TTC17: variants seen among roughly 807,000 people sequenced by gnomAD.
TTC17 encodes the protein tetratricopeptide repeat domain 17, also known as tetratricopeptide repeat protein 17.
A neutral mutation model predicts 143.8 loss-of-function variants in TTC17; 58 were observed. That is an observed-to-expected ratio of 0.40 (90% CI 0.33 to 0.50). TTC17 has a LOEUF of 0.50. TTC17 is among the 20% of genes least tolerant of loss of function. The probability of loss-of-function intolerance (pLI) is 0.49; values close to 1 mark genes in which losing one functional copy is unlikely to be tolerated. For synonymous variants in TTC17, 501 were observed against 497.8 expected (o/e 1.01, Z -0.09); for missense variants, 1,273 against 1,392.5 (o/e 0.91, Z 1.37).
At chr11:43,413,772 C>T (rs1311460863) in intron 15 of TTC17, among the ~76,000 whole-genome samples, 3 of 151,300 alleles carry the variant, frequency 2.0e-5, no homozygotes, top group South Asian at 2.1e-4. Flanking sequence ...CAGTTAGACA[C>T]CACTGCAGCT....
chr11:43,450,594 C>T (rs1307262020), intron 20 of TTC17, among the ~76,000 whole-genome samples: 1 of 152,098 alleles, frequency 6.6e-6, no homozygotes, highest in African/African-American at 2.4e-5. Context: ...CAATATATAC[C>T]TAGCAAAGCA....
At chr11:43,490,011 T>C (rs1183236306) in intron 21 of TTC17, 2 of 357,350 alleles carry the variant, frequency 5.6e-6, no homozygotes, top group Non-Finnish European at 9.8e-6. Flanking sequence ...TTAAGCTCTC[T>C]GAGTCATAGT....
chr11:43,429,935 C>T (rs539715370), intron 16 of TTC17, among the ~76,000 whole-genome samples: 9 of 152,216 alleles, frequency 5.9e-5, no homozygotes, highest in Admixed American at 4.6e-4. Context: ...GTAGGAAAAC[C>T]GTTAGAATAT....
chr11:43,364,060 T>TC (rs1856232571), intron 1 of TTC17, among the ~76,000 whole-genome samples: 1 of 144,548 alleles, frequency 6.9e-6, no homozygotes, highest in East Asian at 2.0e-4. Flanking sequence ...TTTTTTTTTT[T>TC]TTTTTTTTTT....
intron 21 of TTC17, among the ~76,000 whole-genome samples, chr11:43,479,647 C>T (rs1019164961): frequency 4.6e-5 from 7 of 152,126 alleles, no homozygotes; most frequent in Admixed American, 4.6e-4. Context: ...AGTCAGGGTA[C>T]TGTCAGGAAA....
At chr11:43,386,620 C>T (rs1227407266) in intron 2 of TTC17, among the ~76,000 whole-genome samples, 1 of 152,006 alleles carries the variant, frequency 6.6e-6, no homozygotes, top group Non-Finnish European at 1.5e-5. Flanking sequence ...GATAAAGTTG[C>T]CCACCTTATA....
intron 23 of TTC17, among the ~76,000 whole-genome samples, chr11:43,492,631 T>C (rs1311296789): frequency 6.6e-6 from 1 of 152,240 alleles, no homozygotes; most frequent in African/African-American, 2.4e-5. Flanking sequence ...ACGGGCTCAT[T>C]GGGGACAAGA....
intron 16 of TTC17, among the ~76,000 whole-genome samples, chr11:43,443,002 A>G (rs1045675367): frequency 6.6e-6 from 1 of 152,196 alleles, no homozygotes; most frequent in Non-Finnish European, 1.5e-5. Context: ...CTTGCCATCT[A>G]TGTTTTGAAT....
At chr11:43,463,390 T>TTACAAAATAAAAATAGCA (rs1412633292) in intron 21 of TTC17, among the ~76,000 whole-genome samples, 3 of 151,832 alleles carry the variant, frequency 2.0e-5, no homozygotes, top group Non-Finnish European at 4.4e-5. Context: ...TAAAAATAGC[T>TTACAAAATAAAAATAGCA]TACAAAATAA....
intron 3 of TTC17, among the ~76,000 whole-genome samples, chr11:43,390,502 GCT>G (rs1245805228): frequency 6.6e-6 from 1 of 152,030 alleles, no homozygotes; most frequent in African/African-American, 2.4e-5. Flanking sequence ...TGTAGTCCCA[GCT>G]ACTCGGGAAG....
chr11:43,490,107 G>A (rs147608560), intron 21 of TTC17, 132 bp from the exon 22 acceptor site: 6 of 1,256,580 alleles, frequency 4.8e-6, no homozygotes, highest in East Asian at 5.0e-5. Context: ...GGAACAGAAA[G>A]TGCTGAGCAG....
At chr11:43,378,965 T>G (rs571508567) in intron 1 of TTC17, 1 of 355,550 alleles carries the variant, frequency 2.8e-6, no homozygotes, top group South Asian at 3.6e-5. Context: ...GCCAAATACT[T>G]CTTTACTATT....
intron 1 of TTC17, among the ~76,000 whole-genome samples, chr11:43,371,498 A>G (rs1446292784): frequency 6.6e-6 from 1 of 152,246 alleles, no homozygotes; most frequent in East Asian, 1.9e-4. Flanking sequence ...AGGGTGACGT[A>G]TGGGGCAAAG....
chr11:43,468,586 A>C (rs949534208), intron 21 of TTC17, among the ~76,000 whole-genome samples: 1 of 152,188 alleles, frequency 6.6e-6, no homozygotes, highest in Non-Finnish European at 1.5e-5. Context: ...GTAGGCAGAG[A>C]CTTCTTAGAA....
In TTC17 at chr11:43,490,242, C is replaced by A; in HGVS notation, c.3034C>A (p.Gln1012Lys). The A allele has an allele frequency of 6.2e-7, 1 of 1,608,134 alleles. No individual in the cohort carries two copies. The highest frequency in any genetic ancestry group is 1.1e-5 in the South Asian group (1 of 90,074). ...TRIAKVLEKN[Q>K]TSWVLSSMAA... ...CTTGGCTAACATTCCTTTGCAGAAC[C>A]AGACGTCCTGGGTCCTCTCCAGCAT... Residue 1012 changes from glutamine (Q) to lysine (K), a missense_variant, in exon 22 of 24, where the codon CAG becomes AAG. Physicochemically the swap from Gln to Lys is moderately conservative, Grantham distance 53. Transcript: ENST00000039989.
At chr11:43,365,494 C>G (rs61883547) in intron 1 of TTC17, among the ~76,000 whole-genome samples, 26,066 of 152,152 alleles carry the variant, frequency 0.17, 2,943 homozygotes, top group Non-Finnish European at 0.24. Flanking sequence ...ATCTTGATCT[C>G]CTGAGCTGAA....
chr11:43,402,947 T>C (rs913969620), intron 10 of TTC17, among the ~76,000 whole-genome samples: 1 of 152,138 alleles, frequency 6.6e-6, no homozygotes, highest in African/African-American at 2.4e-5. Context: ...CCAGACTGCA[T>C]TGGGAAAAAA....
chr11:43,451,355 C>T (rs1400983344), intron 21 of TTC17, 90 bp downstream of exon 21: 3 of 1,119,006 alleles, frequency 2.7e-6, no homozygotes, highest in Non-Finnish European at 4.0e-6. Flanking sequence ...GTAACCTCTT[C>T]TGTTAGTTAC....
intron 16 of TTC17, among the ~76,000 whole-genome samples, chr11:43,415,327 G>A (rs1027720351): frequency 2.0e-5 from 3 of 152,128 alleles, no homozygotes; most frequent in South Asian, 2.1e-4. Flanking sequence ...GTATCCACCT[G>A]GGTAAAGCTA....
Sources: gnomAD v4.1 joint callset for allele counts (sites outside exome capture counted in the v4.1 genomes callset) on GRCh38, gnomAD v4.1.1 for gene constraint, MANE v1.5 for transcripts, NCBI Gene and HGNC (gene_info 2026-07-23, HGNC 2026-07-21) for gene names.